The following KLHL26 variants were observed in gnomAD, a reference collection of about 807,000 sequenced individuals.
KLHL26 encodes kelch-like protein 26.
KLHL26 carries 4 observed loss-of-function variants against 7.1 expected under a neutral mutation model. That is an observed-to-expected ratio of 0.56 (90% confidence interval 0.28 to 1.28). The LOEUF is 1.28. KLHL26 is among the 50% of genes most tolerant of loss of function. The probability of loss-of-function intolerance (pLI) is 0.11; values close to 1 mark genes in which losing one functional copy is unlikely to be tolerated. For missense variants in KLHL26, 896 were observed against 924.6 expected, an observed-to-expected ratio of 0.97 and a Z score of 0.40; for synonymous variants, 465 against 414.1, an observed-to-expected ratio of 1.12 and a Z score of -1.49.
intron 2 of KLHL26, among the ~76,000 whole-genome samples, chr19:18,666,573 C>T (rs2052450151): frequency 6.6e-6 from 1 of 152,180 alleles, no homozygotes; most frequent in Non-Finnish European, 1.5e-5. Flanking sequence ...TGTGTCCCCT[C>T]CCACTCTCAT....
In KLHL26 at chr19:18,656,701, G is replaced by T. The variant is rs1007958053; in HGVS notation, c.84-7560G>T. ...GGCGAGCCCTGTCTGCCTCAGTAGCGCGGGGCTCTTGGAGGAGGCTTGAGG... is the reference window on the plus strand; with the variant it reads ...GGCGAGCCCTGTCTGCCTCAGTAGCTCGGGGCTCTTGGAGGAGGCTTGAGG... On this transcript the variant is annotated intron_variant, in intron 1 of 2. Transcript: ENST00000300976. The surrounding 1 kb of genome is among the most constrained non-coding windows in gnomAD (Gnocchi z 4.4). Among the ~76,000 whole-genome samples, 3 of 144,662 alleles carry T rather than the reference G, an allele frequency of 2.1e-5. No individual in the cohort carries two copies. The highest frequency in any genetic ancestry group is 7.6e-5 in the African/African-American group (3 of 39,704). The allele number at this position is 144,662 out of a possible 152,430, so 94.9% of individuals were successfully genotyped here.
At position 18,668,747 on chromosome 19, in the gene KLHL26, C is replaced by T. The variant is rs771427919; in HGVS notation, c.1350C>T (p.Thr450=). The T allele has an allele frequency of 2.4e-5, 38 of 1,588,322 alleles. No homozygotes were observed. Among genetic ancestry groups the T allele is most frequent in the Admixed American group, 6.9e-5 (4 of 58,008 alleles). The change falls in exon 3 of 3, where the codon ACC becomes ACT. Residue 450 remains threonine (T), a synonymous_variant. Transcript: ENST00000300976. ...ACGCCTGCTCGCTGAAGCGCCGTACCTGGGGCCATGCTGGGGCCGCCTCAG... is the reference window on the plus strand; with the variant it reads ...ACGCCTGCTCGCTGAAGCGCCGTACTTGGGGCCATGCTGGGGCCGCCTCAG... ...WGYACSLKRR[T]WGHAGAASGG...
In KLHL26 at chr19:18,656,097, C is replaced by T. The variant is rs954080673; in HGVS notation, c.84-8164C>T. Among the ~76,000 whole-genome samples, 2 of 152,178 alleles carry T rather than the reference C, an allele frequency of 1.3e-5. No homozygotes were observed. The highest frequency in any genetic ancestry group is 2.9e-5 in the Non-Finnish European group (2 of 68,030). ...AGCTTGCAAACCACTGCACCTCTAA[C>T]CCCCTGTTTTCTGGAAGGTTTGAGC... On this transcript the variant is annotated intron_variant, in intron 1 of 2. Coordinates refer to ENST00000300976, the MANE Select transcript of KLHL26 (RefSeq NM_018316.3). The surrounding 1 kb of genome is among the most constrained non-coding windows in gnomAD (Gnocchi z 4.4).
rs1178203688 is a variant in KLHL26, at chr19:18,667,955, C to T, written c.558C>T (p.Ala186=). 1.9e-6 allele frequency: 3 copies of T among 1,609,548 alleles called. No individual in the cohort carries two copies. Among genetic ancestry groups the T allele is most frequent in the Non-Finnish European group, 2.5e-6 (3 of 1,179,982 alleles). Reference sequence around the variant, plus strand: ...CCTCGCTGCGAGAGTCGGTGGATGCCTTCACCTTCCGGCACTTCCTGCAGA... The same window carrying T: ...CCTCGCTGCGAGAGTCGGTGGATGCTTTCACCTTCCGGCACTTCCTGCAGA... The part of the protein sequence containing the change: ...SLASLRESVD[A]FTFRHFLQIA... The change falls in exon 3 of 3, where the codon GCC becomes GCT. Residue 186 remains alanine, a synonymous_variant. Transcript: ENST00000300976.
At position 18,668,541 on chromosome 19, in the gene KLHL26, G is replaced by GCA; in HGVS notation, c.1145_1146insAC (p.Cys383ProfsTer9). The GCA allele has an allele frequency of 6.3e-7, 1 of 1,594,108 alleles. No homozygotes were observed. The highest frequency in any genetic ancestry group is 1.1e-5 in the South Asian group (1 of 90,630). On this transcript the variant is annotated frameshift_variant, in exon 3 of 3. Transcript: ENST00000300976. LOFTEE classifies it low-confidence loss of function (END_TRUNC). ...CCGCAGCGGCGAGGGCGCAGTGGACGCCTGCTACCGCTACGACCCCCACCT... is the reference window on the plus strand; with the variant it reads ...CCGCAGCGGCGAGGGCGCAGTGGACGCACCTGCTACCGCTACGACCCCCACCT...
chr19:18,642,471 T>C (rs1976730996), intron 1 of KLHL26, among the ~76,000 whole-genome samples: 1 of 151,286 alleles, frequency 6.6e-6, no homozygotes, highest in Non-Finnish European at 1.5e-5. Context: ...AGCAACTGAT[T>C]CTCTTACCTC....
Position 18,669,228 on chromosome 19 carries a change from G to C in KLHL26, c.1831G>C (p.Ala611Pro), listed in dbSNP as rs568691772. Residue 611 changes from alanine to proline, a missense_variant, in exon 3 of 3, where the codon GCC becomes CCC. Ala to Pro is a conservative substitution (Grantham distance 27). Coordinates refer to ENST00000300976, the MANE Select transcript of KLHL26 (RefSeq NM_018316.3). ...CTGCGCCCCCGTCCTGCTGCCCCGGGCCGGGACCAGGAGGTAGCCCCCAAG... is the reference window on the plus strand; with the variant it reads ...CTGCGCCCCCGTCCTGCTGCCCCGGCCCGGGACCAGGAGGTAGCCCCCAAG... ...IACAPVLLPR[A>P]GTRR is the part of the protein sequence containing the mutation. 6.2e-7 allele frequency: 1 copy of C among 1,609,962 alleles called. No individual in the cohort carries two copies. Among genetic ancestry groups the C allele is most frequent in the Non-Finnish European group, 8.5e-7 (1 of 1,179,768 alleles).
rs761914011 is a variant in KLHL26 at position 18,669,303 on chromosome 19, C to T, written c.*58C>T. 1.0e-5 allele frequency: 14 copies of T among 1,386,898 alleles called. No homozygotes were observed. The highest frequency in any genetic ancestry group is 2.8e-5 in the African/African-American group (2 of 70,434). The allele number at this position is 1,386,898 out of a possible 1,614,324, so 85.9% of individuals were successfully genotyped here. ...CATGTTGTCTCCAAGTGGGGCTTGG[C>T]GAATGCACGTCTGCCTGAGAACCCC... On this transcript the variant is annotated 3_prime_UTR_variant, in exon 3 of 3. Coordinates refer to ENST00000300976, the MANE Select transcript of KLHL26 (RefSeq NM_018316.3).
At chr19:18,667,186 G>A (rs116021189) in intron 2 of KLHL26, among the ~76,000 whole-genome samples, 142 of 151,784 alleles carry the variant, frequency 9.4e-4, no homozygotes, top group African/African-American at 3.2e-3. Context: ...TTGAGACAGA[G>A]TCTCACTCTT....
In KLHL26 at chr19:18,667,907, G is replaced by A. The variant is rs775191206; in HGVS notation, c.510G>A (p.Gln170=). Residue 170 remains glutamine (Q), a synonymous_variant, in exon 3 of 3, where the codon CAG becomes CAA. Transcript: ENST00000300976. Reference sequence around the variant, plus strand: ...TGGAGACCTGCCTCAACATCGGCCAGATGGCCACCACCTTCAGCCTGGCCT... The same window carrying A: ...TGGAGACCTGCCTCAACATCGGCCAAATGGCCACCACCTTCAGCCTGGCCT... ...MSVETCLNIG[Q]MATTFSLASL... 1 of 1,612,290 alleles carries A rather than the reference G, an allele frequency of 6.2e-7. No homozygotes were observed. Among genetic ancestry groups the A allele is most frequent in the South Asian group, 1.1e-5 (1 of 91,092 alleles).
rs1204465182 is a variant in KLHL26 at position 18,668,012 on chromosome 19, A to G, written c.615A>G (p.Pro205=). 1.2e-6 allele frequency: 2 copies of G among 1,608,808 alleles called. No individual in the cohort carries two copies. Among genetic ancestry groups the G allele is most frequent in the African/African-American group, 2.7e-5 (2 of 74,904 alleles). The change falls in exon 3 of 3, where the codon CCA becomes CCG. Residue 205 remains proline, a synonymous_variant. Coordinates refer to ENST00000300976, the MANE Select transcript of KLHL26 (RefSeq NM_018316.3). ...AGGAGGAGGATTTCCTGCGCCTGCC[A>G]CTGGAGCGCCTGGTCTTCTTCCTGC... ...IAEEEDFLRL[P]LERLVFFLQS...
At position 18,650,792 on chromosome 19, in the gene KLHL26, C is replaced by T. The variant is rs992327626; in HGVS notation, c.84-13469C>T. ...GACCTTTTCTGGGAGTCGTGGCGGACGGAGTGGAGCCGTCTGTCTCGTCAC... is the reference window on the plus strand; with the variant it reads ...GACCTTTTCTGGGAGTCGTGGCGGATGGAGTGGAGCCGTCTGTCTCGTCAC... On this transcript the variant is annotated intron_variant, in intron 1 of 2. Coordinates refer to ENST00000300976, the MANE Select transcript of KLHL26 (RefSeq NM_018316.3). The surrounding 1 kb of genome is among the most constrained non-coding windows in gnomAD (Gnocchi z 4.2). 3.3e-5 allele frequency among the ~76,000 whole-genome samples: 5 copies of T among 152,280 alleles called. No homozygotes were observed. Among genetic ancestry groups the T allele is most frequent in the African/African-American group, 9.6e-5 (4 of 41,566 alleles).
rs1253519433 is a variant in KLHL26 at position 18,650,758 on chromosome 19, C to A, written c.84-13503C>A. Reference sequence around the variant, plus strand: ...CTTTCGCATTGGTCAGGGGCGCGGGCAGCTTGCTGACCTTTTCTGGGAGTC... The same window carrying A: ...CTTTCGCATTGGTCAGGGGCGCGGGAAGCTTGCTGACCTTTTCTGGGAGTC... On this transcript the variant is annotated intron_variant, in intron 1 of 2. Coordinates refer to ENST00000300976, the MANE Select transcript of KLHL26 (RefSeq NM_018316.3). This position sits in a 1 kb window ranked among gnomAD's most constrained non-coding sequence, Gnocchi z 4.2. Among the ~76,000 whole-genome samples, 1 of 152,228 alleles carries A rather than the reference C, an allele frequency of 6.6e-6. No homozygotes were observed. Among genetic ancestry groups the A allele is most frequent in the Non-Finnish European group, 1.5e-5 (1 of 68,042 alleles).
chr19:18,654,097 A>T (rs1320934194), intron 1 of KLHL26, among the ~76,000 whole-genome samples: 2 of 115,456 alleles, frequency 1.7e-5, no homozygotes, highest in African/African-American at 7.0e-5. Context: ...TCATCAGGCC[A>T]CCCTTCCATC....
At position 18,670,326 on chromosome 19, in the gene KLHL26, A is replaced by G. The variant is rs1472154114; in HGVS notation, c.*1081A>G. 6.6e-6 allele frequency: 1 copy of G among 151,604 alleles called. No individual in the cohort carries two copies. Among genetic ancestry groups the G allele is most frequent in the African/African-American group, 2.4e-5 (1 of 41,292 alleles). The allele number at this position is 151,604 out of a possible 1,614,324, so 9.4% of individuals were successfully genotyped here. On this transcript the variant is annotated 3_prime_UTR_variant, in exon 3 of 3. Coordinates refer to ENST00000300976, the MANE Select transcript of KLHL26 (RefSeq NM_018316.3). ...TTTAAGAAGCCAGCACTGCTGTCTC[A>G]TAGATGGGATTTGTACTCTTGGGGC...
intron 1 of KLHL26, among the ~76,000 whole-genome samples, chr19:18,645,742 G>T (rs1261545885): frequency 6.6e-6 from 1 of 151,650 alleles, no homozygotes; most frequent in African/African-American, 2.4e-5. Flanking sequence ...AACCTGGGAG[G>T]AGGAGGTTGC....
At chr19:18,637,833 G>A (rs1010182047) in intron 1 of KLHL26, among the ~76,000 whole-genome samples, 1 of 152,156 alleles carries the variant, frequency 6.6e-6, no homozygotes, top group Non-Finnish European at 1.5e-5. Context: ...ATCCCCAACA[G>A]GCTAAAGGAC....
chr19:18,667,802 C>A lies in KLHL26; in HGVS notation c.405C>A (p.Asp135Glu), dbSNP rs1191605630. 7.4e-6 allele frequency: 12 copies of A among 1,613,420 alleles called. No individual in the cohort carries two copies. In the East Asian group the frequency reaches 2.5e-4, roughly 33 times the overall value. ...EVTLDLDCVQ[D>E]VLGAAVFLQM... Reference sequence around the variant, plus strand: ...CACTGGACCTGGACTGCGTGCAGGACGTGCTGGGCGCGGCCGTGTTCTTGC... The same window carrying A: ...CACTGGACCTGGACTGCGTGCAGGAAGTGCTGGGCGCGGCCGTGTTCTTGC... Residue 135 changes from aspartate (D) to glutamate (E), a missense_variant, in exon 3 of 3, where the codon GAC becomes GAA. Coordinates refer to ENST00000300976, the MANE Select transcript of KLHL26 (RefSeq NM_018316.3).
At position 18,669,166 on chromosome 19, in the gene KLHL26, G is replaced by A. The variant is rs2052497504; in HGVS notation, c.1769G>A (p.Arg590Gln). The A allele has an allele frequency of 3.1e-6, 5 of 1,612,802 alleles. No homozygotes were observed. The highest frequency in any genetic ancestry group is 2.2e-5 in the South Asian group (2 of 91,092). ...AACACGGACACCGACGAGTGGGAGC[G>A]GGACCTGCACTTCCCGGAGTCCTTC... ...VYNTDTDEWE[R>Q]DLHFPESFAG... The change falls in exon 3 of 3, where the codon CGG becomes CAG. Residue 590 changes from arginine to glutamine, a missense_variant. Arg to Gln is a conservative substitution (Grantham distance 43). Coordinates refer to ENST00000300976, the MANE Select transcript of KLHL26 (RefSeq NM_018316.3).
Sources: allele counts gnomAD v4.1 joint callset (sites outside exome capture counted in the v4.1 genomes callset), GRCh38; gene constraint gnomAD v4.1.1; non-coding constraint Gnocchi (gnomAD v3.1); transcripts MANE v1.5; gene names NCBI Gene and HGNC (gene_info 2026-07-23, HGNC 2026-07-21).